PKHD1L1: variants seen among roughly 807,000 people sequenced by gnomAD.
PKHD1L1 encodes the protein fibrocystin-L.
PKHD1L1 carries 434 observed loss-of-function variants against 462.9 expected under a neutral mutation model. The ratio of observed to expected loss-of-function variants is 0.94; its 90% CI spans 0.87 to 1.02. The LOEUF is 1.02. PKHD1L1 is among the 50% of genes least tolerant of loss of function. PKHD1L1 has a pLI of 0.00. For missense variants in PKHD1L1, 5,202 were observed against 5,096.1 expected (o/e 1.02, Z -0.63); for synonymous variants, 1,781 against 1,750.0 (o/e 1.02, Z -0.44).
chr8:109,515,380 T>C (rs1820216708), intron 72 of PKHD1L1, 75 bp downstream of exon 72: 1 of 1,168,384 alleles, frequency 8.6e-7, no homozygotes, highest in Admixed American at 3.7e-5. Flanking sequence ...TGATTATTAG[T>C]ATTTTTAATT....
chr8:109,379,389 G>A (rs548866596), intron 2 of PKHD1L1, among the ~76,000 whole-genome samples: 2 of 152,266 alleles, frequency 1.3e-5, no homozygotes, highest in Admixed American at 6.5e-5. Flanking sequence ...AACAAGAAAT[G>A]TATTTTATAG....
chr8:109,412,757 G>T (rs969926137), intron 20 of PKHD1L1, among the ~76,000 whole-genome samples: 32 of 152,068 alleles, frequency 2.1e-4, no homozygotes, highest in African/African-American at 6.7e-4. Flanking sequence ...AAGAAAAATG[G>T]CTAGCCATCA....
intron 62 of PKHD1L1, 151 bp from the exon 63 acceptor site, chr8:109,493,510 T>C (rs1439214933): frequency 2.3e-6 from 1 of 439,862 alleles, no homozygotes; most frequent in African/African-American, 2.0e-5. Context: ...TAATTAAGTT[T>C]GAATGGGGTA....
intron 35 of PKHD1L1, 140 bp downstream of exon 35, chr8:109,442,335 C>A (rs1192661171): frequency 2.4e-6 from 2 of 816,330 alleles, no homozygotes; most frequent in Non-Finnish European, 3.6e-6. Flanking sequence ...TTTATTGCTG[C>A]AGTAAAAATG....
chr8:109,367,343 T>C (rs1811282921), intron 2 of PKHD1L1, among the ~76,000 whole-genome samples: 2 of 152,252 alleles, frequency 1.3e-5, no homozygotes, highest in Non-Finnish European at 2.9e-5. Context: ...TAAATGGAAT[T>C]GTAAATTCTA....
At position 109,498,659 on chromosome 8, in the gene PKHD1L1, G is replaced by A. The variant is rs747954206; in HGVS notation, c.10716G>A (p.Gly3572=). The change falls in exon 67 of 78, where the codon GGG becomes GGA. Residue 3572 remains glycine (G), a synonymous_variant. Coordinates refer to ENST00000378402, the MANE Select transcript of PKHD1L1 (RefSeq NM_177531.6). ...CTTTTTCTTTTTTGGTAAAAGGTGG[G>A]AGAAGTGGGATTTGTTGGCCTACCT... is the stretch of plus-strand genomic sequence containing the variant. ...AHRSPRSPSG[G]RSGICWPTFA... 6.2e-7 allele frequency: 1 copy of A among 1,613,828 alleles called. No individual in the cohort carries two copies. Among genetic ancestry groups the A allele is most frequent in the South Asian group, 1.1e-5 (1 of 91,062 alleles).
intron 1 of PKHD1L1, among the ~76,000 whole-genome samples, chr8:109,363,310 G>C (rs776413899): frequency 5.9e-5 from 9 of 152,076 alleles, no homozygotes; most frequent in Non-Finnish European, 1.3e-4. Flanking sequence ...ATGAATGTGC[G>C]GGAATAAGAA....
chr8:109,521,946 G>A (rs932160601), intron 73 of PKHD1L1, among the ~76,000 whole-genome samples: 1 of 152,012 alleles, frequency 6.6e-6, no homozygotes, highest in African/African-American at 2.4e-5. Flanking sequence ...CGTTTTTCTT[G>A]TATCTGTTTT....
intron 21 of PKHD1L1, among the ~76,000 whole-genome samples, chr8:109,416,814 A>G (rs1814198605): frequency 6.6e-6 from 1 of 152,198 alleles, no homozygotes; most frequent in Admixed American, 6.5e-5. Flanking sequence ...CCAATTTGCT[A>G]CAGTCCATCT....
intron 59 of PKHD1L1, among the ~76,000 whole-genome samples, chr8:109,488,224 T>C (rs1818655061): frequency 1.3e-5 from 2 of 152,066 alleles, no homozygotes; most frequent in Middle Eastern, 3.4e-3. Context: ...TTCAAGATAA[T>C]GTGTTGGTTC....
intron 49 of PKHD1L1, 67 bp from the exon 50 acceptor site, chr8:109,466,511 T>C (rs539816767): frequency 1.7e-4 from 243 of 1,417,864 alleles, no homozygotes; most frequent in Middle Eastern, 1.5e-3. Context: ...CAATTCTGTA[T>C]ATTGTAGACC....
At chr8:109,520,751 C>G (rs1820508550) in intron 73 of PKHD1L1, among the ~76,000 whole-genome samples, 1 of 146,310 alleles carries the variant, frequency 6.8e-6, no homozygotes, top group Non-Finnish European at 1.5e-5. Flanking sequence ...AAGGGGTTAC[C>G]TATGTATTAA....
At chr8:109,458,682 G>A (rs1020729703) in intron 46 of PKHD1L1, among the ~76,000 whole-genome samples, 13 of 152,052 alleles carry the variant, frequency 8.5e-5, no homozygotes, top group Non-Finnish European at 1.5e-4. Context: ...GCATTTAAAG[G>A]AGTAAAAGGA....
intron 43 of PKHD1L1, among the ~76,000 whole-genome samples, chr8:109,453,266 C>T (rs1414641740): frequency 2.0e-5 from 3 of 152,002 alleles, no homozygotes; most frequent in Non-Finnish European, 2.9e-5. Flanking sequence ...GTAGTGGGTC[C>T]CAGGAAATAA....
intron 50 of PKHD1L1, among the ~76,000 whole-genome samples, chr8:109,469,387 T>C (rs558339390): frequency 6.6e-6 from 1 of 152,198 alleles, no homozygotes; most frequent in South Asian, 2.1e-4. Context: ...GGTTGAGAGA[T>C]ACAAGAGCCC....
At chr8:109,410,190 ACTC>A (rs1188003856) in intron 19 of PKHD1L1, among the ~76,000 whole-genome samples, 1 of 152,070 alleles carries the variant, frequency 6.6e-6, no homozygotes, top group Non-Finnish European at 1.5e-5. Context: ...AATTTTTACT[ACTC>A]ATGAATTTTC....
At chr8:109,394,363 G>T (rs539118717) in intron 9 of PKHD1L1, 52 bp from the exon 10 acceptor site, 18 of 1,189,016 alleles carry the variant, frequency 1.5e-5, no homozygotes, top group Non-Finnish European at 2.1e-5. Context: ...TTAAAAAAAT[G>T]TTCCTAAATT....
intron 20 of PKHD1L1, among the ~76,000 whole-genome samples, 154 bp from the exon 21 acceptor site, chr8:109,413,267 C>G (rs1004706595): frequency 2.6e-5 from 4 of 152,108 alleles, no homozygotes; most frequent in Non-Finnish European, 5.9e-5. Flanking sequence ...CTGCACATAA[C>G]TGGCTGAAAT....
At position 109,449,495 on chromosome 8, in the gene PKHD1L1, G is replaced by T. The variant is rs1816362843; in HGVS notation, c.6175+8G>T. ...AAATTCCATCTAATAATGGTAAGTT[G>T]TCAGAAAAAGTAATGGCAGTCTTTG... On this transcript the variant is annotated splice_region_variant and intron_variant, in intron 40 of 77. Transcript: ENST00000378402. The T allele has an allele frequency of 6.4e-7, 1 of 1,571,980 alleles. No individual in the cohort carries two copies. Among genetic ancestry groups the T allele is most frequent in the African/African-American group, 1.4e-5 (1 of 73,660 alleles).
Sources: gnomAD v4.1 joint callset for allele counts (sites outside exome capture counted in the v4.1 genomes callset) on GRCh38, gnomAD v4.1.1 for gene constraint, MANE v1.5 for transcripts, NCBI Gene and HGNC (gene_info 2026-07-23, HGNC 2026-07-21) for gene names.